Variants in RSRC1 observed in about 807,000 individuals in gnomAD.
RSRC1 encodes serine/Arginine-related protein 53.
RSRC1 carries 39 observed loss-of-function variants against 49.1 expected under a neutral mutation model. That is an observed-to-expected ratio of 0.79 (90% CI 0.61 to 1.04). The LOEUF (loss-of-function observed/expected upper bound fraction) is 1.04. Among genes scored for constraint, RSRC1 ranks in the 50% least tolerant of loss-of-function variants. The pLI, the probability that RSRC1 is intolerant of heterozygous loss-of-function variation, is 0.00. For synonymous variants in RSRC1, 143 were observed against 130.8 expected (o/e 1.09, Z -0.63); for missense variants, 388 against 402.4 (o/e 0.96, Z 0.31).
intron 4 of RSRC1, among the ~76,000 whole-genome samples, chr3:158,229,367 C>A (rs1273835527): frequency 9.2e-6 from 1 of 108,556 alleles, no homozygotes; most frequent in African/African-American, 3.0e-5. Context: ...CATATACACA[C>A]GTATATGTGT....
At chr3:158,205,259 A>T (rs1373212471) in intron 4 of RSRC1, among the ~76,000 whole-genome samples, 1 of 152,122 alleles carries the variant, frequency 6.6e-6, no homozygotes, top group Non-Finnish European at 1.5e-5. Flanking sequence ...TCCCTTGCTT[A>T]GTGCTGAGGT....
intron 3 of RSRC1, among the ~76,000 whole-genome samples, chr3:158,142,711 A>G (rs901790865): frequency 6.6e-6 from 1 of 152,190 alleles, no homozygotes; most frequent in Non-Finnish European, 1.5e-5. Flanking sequence ...TCTTGAGGAC[A>G]GCACCATGCC....
chr3:158,114,564 G>A (rs1020647436), intron 1 of RSRC1, among the ~76,000 whole-genome samples: 36 of 152,210 alleles, frequency 2.4e-4, no homozygotes, highest in Middle Eastern at 3.4e-3. Context: ...GATGGGAATA[G>A]CATTGAATCT....
chr3:158,230,071 A>G (rs1375659823), intron 4 of RSRC1, among the ~76,000 whole-genome samples: 2 of 151,888 alleles, frequency 1.3e-5, no homozygotes, highest in African/African-American at 4.8e-5. Flanking sequence ...TGTCTTTTTA[A>G]GTTTCCTTTA....
intron 4 of RSRC1, among the ~76,000 whole-genome samples, chr3:158,264,760 C>T (rs1047518893): frequency 2.0e-5 from 3 of 152,152 alleles, no homozygotes; most frequent in Non-Finnish European, 4.4e-5. Flanking sequence ...GAGTAGTGCT[C>T]AGTGTAGTGC....
chr3:158,237,922 A>T (rs1276047480), intron 4 of RSRC1, among the ~76,000 whole-genome samples: 1 of 152,164 alleles, frequency 6.6e-6, no homozygotes, highest in Non-Finnish European at 1.5e-5. Flanking sequence ...ATTCAGTATG[A>T]TATTGGCTGT....
chr3:158,288,728 C>A (rs6788118), intron 4 of RSRC1, among the ~76,000 whole-genome samples: 1 of 151,390 alleles, frequency 6.6e-6, no homozygotes, highest in Non-Finnish European at 1.5e-5. Context: ...GCTTATAATA[C>A]CTATTACAAC....
rs1457006208 is a variant in RSRC1, at chr3:158,518,146, ATAT to A, written c.653-18944_653-18942del. ...TGTGTGTATATATATATATATATAT[ATAT>A]TTTTTTTTTTTTTTTTTTTACTCCC... On this transcript the variant is annotated intron_variant, in intron 7 of 9. Transcript: ENST00000611884. 8.4e-3 allele frequency among the ~76,000 whole-genome samples: 589 copies of A among 69,706 alleles called. 3 individuals carry two copies. The highest frequency in any genetic ancestry group is 0.011 in the Non-Finnish European group (458 of 41,592). 45.7% of individuals were successfully genotyped at this position (69,706 alleles called of 152,430 possible). A position where few individuals can be genotyped will look rare whatever the true frequency, so the allele number is the denominator to read the frequency against.
At chr3:158,262,065 T>A (rs74568372) in intron 4 of RSRC1, among the ~76,000 whole-genome samples, 11,658 of 152,248 alleles carry the variant, frequency 0.077, 538 homozygotes, top group South Asian at 0.13. Context: ...TTGGGAACTG[T>A]TGCTTTAACA....
At chr3:158,182,372 A>T (rs557664415) in intron 3 of RSRC1, among the ~76,000 whole-genome samples, 2 of 152,302 alleles carry the variant, frequency 1.3e-5, no homozygotes, top group East Asian at 3.9e-4. Flanking sequence ...ACTTTTTCTT[A>T]GGTGATAGAG....
At chr3:158,326,932 T>A (rs767428989) in intron 5 of RSRC1, among the ~76,000 whole-genome samples, 7 of 152,214 alleles carry the variant, frequency 4.6e-5, no homozygotes, top group Non-Finnish European at 7.3e-5. Context: ...ATTCAGGGAT[T>A]CAAGTTCTTA....
intron 4 of RSRC1, among the ~76,000 whole-genome samples, chr3:158,243,828 T>G (rs1011086801): frequency 1.3e-5 from 2 of 152,208 alleles, no homozygotes; most frequent in Non-Finnish European, 2.9e-5. Flanking sequence ...TCATTCATGA[T>G]TTGGCTCTTG....
intron 7 of RSRC1, among the ~76,000 whole-genome samples, chr3:158,467,434 A>T (rs1458528966): frequency 8.5e-5 from 13 of 152,224 alleles, no homozygotes; most frequent in Admixed American, 3.9e-4. Flanking sequence ...GTATGATAAT[A>T]ATCTATCTAC....
At chr3:158,513,705 T>A (rs1358990910) in intron 7 of RSRC1, among the ~76,000 whole-genome samples, 1 of 152,230 alleles carries the variant, frequency 6.6e-6, no homozygotes, top group Non-Finnish European at 1.5e-5. Context: ...CTGTTCCTCG[T>A]TGTACCTCTG....
chr3:158,322,234 G>T (rs1419671970), intron 5 of RSRC1, among the ~76,000 whole-genome samples: 1 of 152,066 alleles, frequency 6.6e-6, no homozygotes, highest in Non-Finnish European at 1.5e-5. Flanking sequence ...TTGCTTGAAG[G>T]ATATTCATCC....
rs575984849 is a variant in RSRC1 at position 158,353,064 on chromosome 3, A to G, written c.532-1793A>G. ...CATAAAGTAGTCTTTATTGGTTGTC[A>G]TCTCCTCCTTCTCTAATAACCAATC... On this transcript the variant is annotated intron_variant, in intron 5 of 9. Coordinates refer to ENST00000611884, the MANE Select transcript of RSRC1 (RefSeq NM_001271838.2). Among the ~76,000 whole-genome samples, 221 of 152,222 alleles carry G rather than the reference A, an allele frequency of 1.5e-3. 3 individuals are homozygous for G. The highest frequency in any genetic ancestry group is 5.1e-3 in the African/African-American group (211 of 41,536).
intron 4 of RSRC1, among the ~76,000 whole-genome samples, chr3:158,296,530 G>T (rs139939223): frequency 7.2e-5 from 11 of 152,006 alleles, no homozygotes; most frequent in African/African-American, 2.7e-4. Context: ...TAAATTTTAA[G>T]TTATACAAAT....
At chr3:158,425,402 C>T (rs905325248) in intron 6 of RSRC1, among the ~76,000 whole-genome samples, 4 of 152,046 alleles carry the variant, frequency 2.6e-5, no homozygotes, top group Non-Finnish European at 4.4e-5. Context: ...GAGTGAGTTT[C>T]GTAATCCTGA....
At chr3:158,378,733 A>G (rs1272249512) in intron 6 of RSRC1, among the ~76,000 whole-genome samples, 1 of 152,018 alleles carries the variant, frequency 6.6e-6, no homozygotes, top group African/African-American at 2.4e-5. Context: ...CAGTGGCTGG[A>G]TTTGCCTGGG....
Sources: gnomAD v4.1 joint callset for allele counts (sites outside exome capture counted in the v4.1 genomes callset) on GRCh38, gnomAD v4.1.1 for gene constraint, MANE v1.5 for transcripts, NCBI Gene and HGNC (gene_info 2026-07-23, HGNC 2026-07-21) for gene names.